The following ALDH4A1 variants were observed in gnomAD, a reference collection of about 807,000 sequenced individuals.
The protein encoded by ALDH4A1 is delta-1-pyrroline-5-carboxylate dehydrogenase, mitochondrial.
Under a neutral mutation model 70.5 loss-of-function variants are expected in ALDH4A1, and 46 were observed. That is an observed-to-expected ratio of 0.65 (90% CI 0.51 to 0.83). The LOEUF (loss-of-function observed/expected upper bound fraction) is 0.83. ALDH4A1 is among the 40% of genes least tolerant of loss of function. The pLI, the probability that ALDH4A1 is intolerant of heterozygous loss-of-function variation, is 0.00. For synonymous variants in ALDH4A1, 323 were observed against 324.3 expected, an observed-to-expected ratio of 1.00 and a Z score of 0.04; for missense variants, 749 against 766.5, an observed-to-expected ratio of 0.98 and a Z score of 0.27.
Position 18,892,566 on chromosome 1 carries a change from G to GGGC in ALDH4A1, c.63-2462_63-2461insGCC, listed in dbSNP as rs1553155187. ...TCCCAGGTAGAAGGAGGCGGGGGGG[G>GGGC]GCTGAGAGGGGCCTGCGTGGTAGAG... On this transcript the variant is annotated intron_variant, in intron 1 of 14. Transcript: ENST00000375341. Among the ~76,000 whole-genome samples, 3 of 151,576 alleles carry GGGC rather than the reference G, an allele frequency of 2.0e-5. No individual in the cohort carries two copies. The East Asian group carries it at 5.9e-4, about 30-fold the overall frequency.
intron 6 of ALDH4A1, 26 bp downstream of exon 6, chr1:18,883,253 G>A: frequency 1.2e-6 from 2 of 1,613,146 alleles, no homozygotes; most frequent in Non-Finnish European, 1.7e-6. Context: ...TGCCCCGCCT[G>A]CTCGCCCACT....
intron 1 of ALDH4A1, among the ~76,000 whole-genome samples, chr1:18,899,976 T>C (rs772446105): frequency 6.6e-6 from 1 of 152,224 alleles, no homozygotes; most frequent in Admixed American, 6.5e-5. Context: ...CAATAAAGTA[T>C]GGGCAGATGA....
rs900902677 is a variant in ALDH4A1, at chr1:18,887,577, C to A, written c.250-1066G>T. Reference sequence around the variant, plus strand: ...TCGCACCACTGCACTCCAGCCTGGGCGACAGAGCGAGACTCCGTCTCAGAA... The same window carrying A: ...TCGCACCACTGCACTCCAGCCTGGGAGACAGAGCGAGACTCCGTCTCAGAA... On this transcript the variant is annotated intron_variant, in intron 3 of 14. Coordinates refer to ENST00000375341, the MANE Select transcript of ALDH4A1 (RefSeq NM_003748.4). Among the ~76,000 whole-genome samples, 7 of 151,730 alleles carry A rather than the reference C, an allele frequency of 4.6e-5. No individual in the cohort carries two copies. In the South Asian group the frequency reaches 1.5e-3, roughly 32 times the overall value.
At chr1:18,886,063 G>T (rs1181845219) in intron 4 of ALDH4A1, among the ~76,000 whole-genome samples, 1 of 152,032 alleles carries the variant, frequency 6.6e-6, no homozygotes. Context: ...CCAGTTCCTG[G>T]ACCCCCAGCC....
At chr1:18,885,431 A>AACCCCCCCCCCCCCCCC in intron 5 of ALDH4A1, 42 bp downstream of exon 5, 8 of 478,976 alleles carry the variant, frequency 1.7e-5, no homozygotes, top group East Asian at 4.3e-5. Flanking sequence ...CCTGACTCCC[A>AACCCCCCCCCCCCCCCC]CCCCACCCCG....
intron 1 of ALDH4A1, 151 bp from the exon 2 acceptor site, chr1:18,890,256 C>T: frequency 1.5e-6 from 1 of 667,032 alleles, no homozygotes; most frequent in Non-Finnish European, 2.6e-6. Flanking sequence ...AAAACCCCAC[C>T]TTGGGCTGGG....
chr1:18,885,385 G>A (rs1295143759), intron 5 of ALDH4A1, 88 bp downstream of exon 5: 6 of 1,384,724 alleles, frequency 4.3e-6, no homozygotes, highest in Admixed American at 2.0e-5. Flanking sequence ...ACCCAGAAGC[G>A]CTTCAGCTGA....
chr1:18,891,961 G>T (rs1033871134), intron 1 of ALDH4A1, among the ~76,000 whole-genome samples: 7 of 152,032 alleles, frequency 4.6e-5, no homozygotes, highest in Non-Finnish European at 7.4e-5. Flanking sequence ...CCGGGAGGCA[G>T]AGGTTGCAGT....
At chr1:18,882,875 G>A (rs527270599) in intron 7 of ALDH4A1, among the ~76,000 whole-genome samples, 1 of 152,316 alleles carries the variant, frequency 6.6e-6, no homozygotes, top group South Asian at 2.1e-4. Flanking sequence ...TTTCCACTTT[G>A]CAGATGAGGA....
intron 1 of ALDH4A1, chr1:18,901,071 T>C: frequency 5.3e-6 from 1 of 190,296 alleles, no homozygotes; most frequent in Non-Finnish European, 9.7e-6. Flanking sequence ...TCTAGGGTGT[T>C]TGGCAGAGCA....
In ALDH4A1 at chr1:18,872,673, A is replaced by G; in HGVS notation, c.*172T>C. 1.7e-6 allele frequency: 1 copy of G among 603,496 alleles called. No homozygotes were observed. The highest frequency in any genetic ancestry group is 3.0e-6 in the Non-Finnish European group (1 of 338,900). 37.4% of individuals were successfully genotyped at this position (603,496 alleles called of 1,614,324 possible). On this transcript the variant is annotated 3_prime_UTR_variant, in exon 15 of 15. Coordinates refer to ENST00000375341, the MANE Select transcript of ALDH4A1 (RefSeq NM_003748.4). Reference sequence around the variant, plus strand: ...TTCCTCCCCAGCACGATCTCAAACCAGAGCCTGAGGCATGGGAGAGGCCAG... The same window carrying G: ...TTCCTCCCCAGCACGATCTCAAACCGGAGCCTGAGGCATGGGAGAGGCCAG...
intron 1 of ALDH4A1, among the ~76,000 whole-genome samples, chr1:18,899,506 A>G (rs1183056546): frequency 6.6e-6 from 1 of 152,174 alleles, no homozygotes; most frequent in Admixed American, 6.5e-5. Flanking sequence ...TTCCAAAGAG[A>G]ACTGAGGATA....
At chr1:18,873,660 C>T (rs1245387667) in intron 14 of ALDH4A1, among the ~76,000 whole-genome samples, 2 of 152,198 alleles carry the variant, frequency 1.3e-5, no homozygotes, top group African/African-American at 2.4e-5. Flanking sequence ...TGGCACAGCC[C>T]GAACTCCAGG....
At chr1:18,901,691 C>T (rs989000828) in intron 1 of ALDH4A1, among the ~76,000 whole-genome samples, 4 of 152,110 alleles carry the variant, frequency 2.6e-5, no homozygotes, top group African/African-American at 7.2e-5. Context: ...ACCTGCCTCA[C>T]AGGAGTGAGA....
At chr1:18,889,163 G>A (rs918671183) in intron 3 of ALDH4A1, among the ~76,000 whole-genome samples, 199 bp downstream of exon 3, 6 of 152,184 alleles carry the variant, frequency 3.9e-5, no homozygotes, top group African/African-American at 9.7e-5. Flanking sequence ...ACAGGATGCC[G>A]CTATGGGCTG....
chr1:18,877,523 C>G lies in ALDH4A1; in HGVS notation c.1030G>C (p.Gly344Arg), dbSNP rs927843333. 1.2e-6 allele frequency: 2 copies of G among 1,611,472 alleles called. No homozygotes were observed. The highest frequency in any genetic ancestry group is 1.7e-6 in the Non-Finnish European group (2 of 1,179,270). The change falls in exon 10 of 15, where the codon GGT becomes CGT. Residue 344 changes from glycine (G) to arginine (R), a missense_variant. By Grantham distance (125) the Gly-to-Arg change is moderately radical. Transcript: ENST00000375341. Reference protein sequence around the residue: ...SGTLRSAFEYGGQKCSACSRL... With the variant: ...SGTLRSAFEYRGQKCSACSRL... Reference sequence around the variant, plus strand: ...GAGCACGCGGAACACTTCTGGCCACCGTACTCGAAGGCTGAGCGGAGGGTC... The same window carrying G: ...GAGCACGCGGAACACTTCTGGCCACGGTACTCGAAGGCTGAGCGGAGGGTC...
chr1:18,876,916 C>T (rs1248670436), intron 11 of ALDH4A1, among the ~76,000 whole-genome samples: 3 of 152,154 alleles, frequency 2.0e-5, no homozygotes, highest in Admixed American at 2.0e-4. Context: ...TGGAGCCACA[C>T]GGAGCCCTAT....
intron 3 of ALDH4A1, 49 bp from the exon 4 acceptor site, chr1:18,886,560 A>G: frequency 5.0e-6 from 8 of 1,598,228 alleles, no homozygotes; most frequent in Non-Finnish European, 6.9e-6. Context: ...AGGTGCCAGG[A>G]TAAGGATGAA....
chr1:18,895,818 G>T (rs1935597878), intron 1 of ALDH4A1, among the ~76,000 whole-genome samples: 1 of 152,206 alleles, frequency 6.6e-6, no homozygotes, highest in Non-Finnish European at 1.5e-5. Flanking sequence ...CTCACGCCAT[G>T]CCAGCCCTGC....
Sources: gnomAD v4.1 joint callset for allele counts (sites outside exome capture counted in the v4.1 genomes callset) on GRCh38, gnomAD v4.1.1 for gene constraint, MANE v1.5 for transcripts, NCBI Gene and HGNC (gene_info 2026-07-23, HGNC 2026-07-21) for gene names.